Variants in UNC13B observed in about 807,000 individuals in gnomAD.
UNC13B encodes the protein protein unc-13 homolog B.
UNC13B carries 144 observed loss-of-function variants against 211.0 expected under a neutral mutation model. The ratio of observed to expected loss-of-function variants is 0.68; its 90% CI spans 0.60 to 0.78. UNC13B has a LOEUF of 0.78. UNC13B is among the 30% of genes least tolerant of loss of function. UNC13B has a pLI of 0.00. For synonymous variants in UNC13B, 709 were observed against 725.8 expected, an observed-to-expected ratio of 0.98 and a Z score of 0.37; for missense variants, 1,777 against 2,002.0, an observed-to-expected ratio of 0.89 and a Z score of 2.14.
At chr9:35,235,494 G>A (rs1428839333) in intron 3 of UNC13B, among the ~76,000 whole-genome samples, 2 of 150,932 alleles carry the variant, frequency 1.3e-5, no homozygotes, top group African/African-American at 4.9e-5. Flanking sequence ...CTGTCACTCA[G>A]GCTGGAGTGC....
intron 24 of UNC13B, among the ~76,000 whole-genome samples, chr9:35,386,839 CT>C (rs1277104258): frequency 6.6e-6 from 1 of 152,204 alleles, no homozygotes; most frequent in East Asian, 1.9e-4. Context: ...GCCTGGCACC[CT>C]AAGTCAGTAC....
chr9:35,301,362 C>T lies in UNC13B; in HGVS notation c.1958C>T (p.Ser653Leu), dbSNP rs1829674398. 7.5e-6 allele frequency: 3 copies of T among 398,372 alleles called. No individual in the cohort carries two copies. The highest frequency in any genetic ancestry group is 2.1e-5 in the African/African-American group (1 of 48,546). 24.7% of individuals were successfully genotyped at this position (398,372 alleles called of 1,614,324 possible). The stretch of plus-strand genomic sequence containing the variant: ...CAGAGTCAGAGTTCAGTTATAAAGT[C>T]GGTTTTCAGCAGGTTAAATCCATTG... ...APQSQSSVIK[S>L]VFSRLNPLKI... The change falls in exon 9 of 40, where the codon TCG becomes TTG. Residue 653 changes from serine (S) to leucine (L), a missense_variant. Transcript: ENST00000635942.
In UNC13B at chr9:35,375,211, C is replaced by T. The variant is rs1198357933; in HGVS notation, c.9615+10C>T. 1.2e-6 allele frequency: 2 copies of T among 1,613,952 alleles called. No individual in the cohort carries two copies. The highest frequency in any genetic ancestry group is 1.7e-5 in the Admixed American group (1 of 60,028). ...TAAGGACGAAGAGCTGGTAAGTGTCCCAAGTGCTTTCGTAAGTCCACTGGC... is the reference window on the plus strand; with the variant it reads ...TAAGGACGAAGAGCTGGTAAGTGTCTCAAGTGCTTTCGTAAGTCCACTGGC... On this transcript the variant is annotated intron_variant, in intron 14 of 39. Transcript: ENST00000635942.
intron 37 of UNC13B, among the ~76,000 whole-genome samples, chr9:35,400,890 A>C (rs1440395576): frequency 6.6e-6 from 1 of 152,148 alleles, no homozygotes. Context: ...GAGACAAGGA[A>C]GAGAGGCAAA....
intron 1 of UNC13B, among the ~76,000 whole-genome samples, chr9:35,166,973 C>G (rs1821070903): frequency 6.6e-6 from 1 of 152,122 alleles, no homozygotes; most frequent in Admixed American, 6.5e-5. Flanking sequence ...ATGTGAGCTG[C>G]ATGTGGCCCA....
chr9:35,385,076 G>A (rs1165631932), intron 22 of UNC13B: 2 of 985,332 alleles, frequency 2.0e-6, no homozygotes. Flanking sequence ...GTAGCCATTT[G>A]AAGGTTTAAA....
Position 35,305,797 on chromosome 9 carries a change from T to C in UNC13B, c.6393T>C (p.Asn2131=), listed in dbSNP as rs1829895934. Residue 2131 remains asparagine (N), a synonymous_variant, in exon 9 of 40, where the codon AAT becomes AAC. Transcript: ENST00000635942. ...SFDTLSKRNS[N]EQDHFSDKDW... ...ATACCCTGAGCAAGAGAAATTCAAA[T>C]GAACAAGATCATTTTTCTGACAAAG... The C allele has an allele frequency of 5.0e-6, 2 of 398,988 alleles. No homozygotes were observed. The highest frequency in any genetic ancestry group is 8.8e-6 in the Non-Finnish European group (2 of 226,032). The allele number at this position is 398,988 out of a possible 1,614,324, so 24.7% of individuals were successfully genotyped here. A position where few individuals can be genotyped will look rare whatever the true frequency, so the allele number is the denominator to read the frequency against.
intron 7 of UNC13B, among the ~76,000 whole-genome samples, chr9:35,260,428 T>C (rs1292381864): frequency 1.3e-5 from 2 of 152,214 alleles, no homozygotes; most frequent in African/African-American, 2.4e-5. Flanking sequence ...TAGTAACTGG[T>C]GAAGTAAATA....
Position 35,302,876 on chromosome 9 carries a change from G to A in UNC13B, c.3472G>A (p.Ala1158Thr). ...LSGLFNRFSS[A>T]ENLSSQELNL... ...TGGCCTGTTTAATAGGTTTTCTTCTGCTGAAAATTTGTCTAGTCAAGAATT... is the reference window on the plus strand; with the variant it reads ...TGGCCTGTTTAATAGGTTTTCTTCTACTGAAAATTTGTCTAGTCAAGAATT... Residue 1158 changes from alanine to threonine, a missense_variant, in exon 9 of 40, where the codon GCT becomes ACT. Physicochemically the swap from Ala to Thr is moderately conservative, Grantham distance 58. Transcript: ENST00000635942. The A allele has an allele frequency of 2.5e-6, 1 of 398,610 alleles. No individual in the cohort carries two copies. The highest frequency in any genetic ancestry group is 4.4e-6 in the Non-Finnish European group (1 of 225,752). 24.7% of individuals were successfully genotyped at this position (398,610 alleles called of 1,614,324 possible).
At chr9:35,362,534 G>A (rs1270703392) in intron 11 of UNC13B, among the ~76,000 whole-genome samples, 1 of 152,228 alleles carries the variant, frequency 6.6e-6, no homozygotes, top group Non-Finnish European at 1.5e-5. Flanking sequence ...CTAGGGCGGG[G>A]CGTGGTGGCT....
chr9:35,377,360 A>G (rs1368690968), intron 15 of UNC13B, 108 bp from the exon 16 acceptor site: 2 of 1,149,866 alleles, frequency 1.7e-6, no homozygotes, highest in African/African-American at 3.1e-5. Flanking sequence ...ACTAGCAACC[A>G]GGCTGGCTGC....
chr9:35,385,099 A>G (rs930767871), intron 22 of UNC13B: 71 of 985,364 alleles, frequency 7.2e-5, no homozygotes, highest in Non-Finnish European at 8.4e-5. Context: ...CTGACCATTA[A>G]TGTGAAGACA....
chr9:35,381,779 C>T, intron 20 of UNC13B, 60 bp downstream of exon 20: 1 of 1,584,370 alleles, frequency 6.3e-7, no homozygotes, highest in Non-Finnish European at 8.6e-7. Context: ...CTAATTAAGG[C>T]ACACTGACAT....
At chr9:35,184,757 AAAGGAAGGAAGG>A (rs58197398) in intron 1 of UNC13B, among the ~76,000 whole-genome samples, 7 of 107,048 alleles carry the variant, frequency 6.5e-5, no homozygotes, top group African/African-American at 2.3e-4. Context: ...AGAAAGAAAG[AAAGGAAGGAAGG>A]AAGGAAGGAA....
chr9:35,402,145 G>T, intron 37 of UNC13B: 1 of 746,732 alleles, frequency 1.3e-6, no homozygotes, highest in South Asian at 1.7e-5. Flanking sequence ...TTAGAGATGG[G>T]TAATGCCTTC....
At chr9:35,238,553 CTTTT>C (rs34593751) in intron 5 of UNC13B, among the ~76,000 whole-genome samples, 2 of 142,972 alleles carry the variant, frequency 1.4e-5, no homozygotes, top group Non-Finnish European at 3.1e-5. Context: ...CATAATTTAT[CTTTT>C]TTTTTTTTTT....
chr9:35,388,328 AACCC>A (rs1257909447), intron 24 of UNC13B, among the ~76,000 whole-genome samples: 3 of 152,164 alleles, frequency 2.0e-5, no homozygotes, highest in Non-Finnish European at 2.9e-5. Flanking sequence ...GAATTGCTTG[AACCC>A]AGGAGGCAGA....
At chr9:35,211,521 GATTCTAAC>G (rs2131418300) in intron 1 of UNC13B, among the ~76,000 whole-genome samples, 1 of 152,282 alleles carries the variant, frequency 6.6e-6, no homozygotes, top group African/African-American at 2.4e-5. Flanking sequence ...CATTTAGGCT[GATTCTAAC>G]ATTTTACTAT....
intron 11 of UNC13B, among the ~76,000 whole-genome samples, chr9:35,350,131 T>G (rs1224768442): frequency 2.0e-5 from 3 of 152,312 alleles, no homozygotes; most frequent in Non-Finnish European, 4.4e-5. Context: ...GCTTTCCTCC[T>G]TGTACTTTCC....
Sources: gnomAD v4.1 joint callset for allele counts (sites outside exome capture counted in the v4.1 genomes callset) on GRCh38, gnomAD v4.1.1 for gene constraint, MANE v1.5 for transcripts, NCBI Gene and HGNC (gene_info 2026-07-23, HGNC 2026-07-21) for gene names.